ABCB4: variants seen among roughly 807,000 people sequenced by gnomAD.
ABCB4 encodes ATP binding cassette subfamily B member 4.
In ABCB4, 76 loss-of-function variants were observed where a neutral mutation model predicts 145.7. That is an observed-to-expected ratio of 0.52 (90% CI 0.43 to 0.63). ABCB4 has a LOEUF of 0.63. Among genes scored for constraint, ABCB4 ranks in the 30% least tolerant of loss-of-function variants. The pLI is 0.00. For synonymous variants in ABCB4, 517 were observed against 566.8 expected (o/e 0.91, Z 1.25); for missense variants, 1,234 against 1,553.1 (o/e 0.79, Z 3.45).
At chr7:87,388,053 C>T in the ABCB4 span, among the ~76,000 whole-genome samples, 2 of 152,024 alleles carry the variant, frequency 1.3e-5, no homozygotes, top group African/African-American at 4.8e-5. Flanking sequence ...GGGTGTGATA[C>T]CTTCCAGGTC....
At chr7:87,465,697 C>T (rs948429601) in intron 3 of ABCB4, among the ~76,000 whole-genome samples, 4 of 152,148 alleles carry the variant, frequency 2.6e-5, no homozygotes, top group Non-Finnish European at 5.9e-5. Context: ...CCCTCTGAGA[C>T]GAAACTTCCA....
chr7:87,372,510 C>G, the ABCB4 span, among the ~76,000 whole-genome samples: 1 of 152,306 alleles, frequency 6.6e-6, no homozygotes, highest in Admixed American at 6.5e-5. Context: ...GGGCTGCATT[C>G]AGCCTGTGAC....
At chr7:87,393,004 A>T in the ABCB4 span, 3 of 1,613,664 alleles carry the variant, frequency 1.9e-6, no homozygotes, top group Non-Finnish European at 2.5e-6. Flanking sequence ...TTACGAGTCC[A>T]GGGAGTGGTA....
the ABCB4 span, among the ~76,000 whole-genome samples, chr7:87,368,998 T>C: frequency 2.0e-5 from 3 of 152,216 alleles, no homozygotes; most frequent in Non-Finnish European, 4.4e-5. Context: ...TAATTAACAT[T>C]AAAATAATCC....
chr7:87,375,810 C>A, the ABCB4 span: 31 of 1,612,846 alleles, frequency 1.9e-5, 1 homozygote, highest in Admixed American at 5.2e-4. Flanking sequence ...ATTTGATCAT[C>A]ATCTCCTTGC....
Position 87,403,147 on chromosome 7 carries a change from A to G in ABCB4, c.3621T>C (p.Thr1207=), listed in dbSNP as rs1477448807. ...AGGCCACACACACCTTTTCACTTTCAGTATCCAGAGCTGATGTAGCTTCAT... is the reference window on the plus strand; with the variant it reads ...AGGCCACACACACCTTTTCACTTTCGGTATCCAGAGCTGATGTAGCTTCAT... ...LLDEATSALD[T]ESEKVVQEAL... The change falls in exon 27 of 28, where the codon ACT becomes ACC. Residue 1207 remains threonine (T), a synonymous_variant. Transcript: ENST00000649586. 6.2e-7 allele frequency: 1 copy of G among 1,614,034 alleles called. No individual in the cohort carries two copies.
chr7:87,475,193 C>A (rs989084515), intron 2 of ABCB4, among the ~76,000 whole-genome samples, 193 bp downstream of exon 2: 10 of 152,220 alleles, frequency 6.6e-5, no homozygotes, highest in African/African-American at 2.4e-4. Flanking sequence ...CCAAAAGGAG[C>A]CTCAGTGACA....
Position 87,406,459 on chromosome 7 carries a change from G to A in ABCB4, c.3315C>T (p.Val1105=), listed in dbSNP as rs746507472. 6.2e-7 allele frequency: 1 copy of A among 1,613,858 alleles called. No homozygotes were observed. Among genetic ancestry groups the A allele is most frequent in the East Asian group, 2.2e-5 (1 of 44,862 alleles). Residue 1105 remains valine (V), a synonymous_variant, in exon 26 of 28, where the codon GTC becomes GTT. Coordinates refer to ENST00000649586, the MANE Select transcript of ABCB4 (RefSeq NM_000443.4). ...TTCCGAGTTGAGCTCTGAGCCACTG[G>A]ACATTGAGTTTCTTTGCTTCTTGAC... ...LDGQEAKKLN[V]QWLRAQLGIV... is the part of the protein sequence containing the mutation.
intron 18 of ABCB4, among the ~76,000 whole-genome samples, chr7:87,421,643 T>A (rs894028362): frequency 3.3e-5 from 5 of 152,222 alleles, no homozygotes; most frequent in Non-Finnish European, 5.9e-5. Context: ...TACAGAGAAG[T>A]CTAACTGGGT....
chr7:87,370,383 G>A, the ABCB4 span, among the ~76,000 whole-genome samples: 8 of 152,162 alleles, frequency 5.3e-5, no homozygotes, highest in East Asian at 1.9e-4. Flanking sequence ...AGGTTTTGCC[G>A]TGTTGGCCAA....
the ABCB4 span, among the ~76,000 whole-genome samples, chr7:87,365,935 C>A: frequency 3.9e-5 from 6 of 152,102 alleles, no homozygotes; most frequent in African/African-American, 1.4e-4. Flanking sequence ...TTACCTACCC[C>A]CTAGGAGACC....
chr7:87,469,681 AAGG>A (rs1486341966), intron 3 of ABCB4, among the ~76,000 whole-genome samples: 40 of 152,216 alleles, frequency 2.6e-4, no homozygotes, highest in Non-Finnish European at 1.3e-4. Context: ...GGACCTCTTC[AAGG>A]AGAACTACAA....
At chr7:87,449,863 G>A (rs2116779231) in intron 8 of ABCB4, 105 bp downstream of exon 8, 1 of 1,556,934 alleles carries the variant, frequency 6.4e-7, no homozygotes, top group African/African-American at 1.4e-5. Context: ...TATGCGAGAA[G>A]GGTTAATATT....
chr7:87,381,315 T>A, the ABCB4 span, among the ~76,000 whole-genome samples: 1 of 152,190 alleles, frequency 6.6e-6, no homozygotes, highest in African/African-American at 2.4e-5. Context: ...AACTGCAATT[T>A]CTTTCTCTAA....
At position 87,431,556 on chromosome 7, in the gene ABCB4, C is replaced by A; in HGVS notation, c.1741G>T (p.Gly581Cys). 6.2e-7 allele frequency: 1 copy of A among 1,614,038 alleles called. No individual in the cohort carries two copies. The highest frequency in any genetic ancestry group is 8.5e-7 in the Non-Finnish European group (1 of 1,179,934). Residue 581 changes from glycine to cysteine, a missense_variant, in exon 15 of 28, where the codon GGC becomes TGC. Around this residue, in one of 7 missense-constraint regions of ABCB4, gnomAD observed 467 missense variants for 632.8 expected, o/e 0.74. Transcript: ENST00000649586. ...TGTGCTATCACAATGGTGGTCCGGC[C>A]TTCTCTGGCCTAAAAGAACAAAAAT... ...VQAALDKARE[G>C]RTTIVIAHRL...
At chr7:87,444,779 A>C in intron 10 of ABCB4, 83 bp downstream of exon 10, 1 of 998,078 alleles carries the variant, frequency 1.0e-6, no homozygotes, top group Non-Finnish European at 1.5e-6. Context: ...AATGTAGTTG[A>C]TTCAAAAATA....
At chr7:87,374,758 AG>A in the ABCB4 span, among the ~76,000 whole-genome samples, 1 of 152,054 alleles carries the variant, frequency 6.6e-6, no homozygotes, top group Non-Finnish European at 1.5e-5. Context: ...AACAGAGGAG[AG>A]TATGCAAATC....
At position 87,403,126 on chromosome 7, in the gene ABCB4, C is replaced by T. The variant is rs1554396917; in HGVS notation, c.3633+9G>A. 3 of 1,613,810 alleles carry T rather than the reference C, an allele frequency of 1.9e-6. No homozygotes were observed. Among genetic ancestry groups the T allele is most frequent in the Non-Finnish European group, 2.5e-6 (3 of 1,179,896 alleles). On this transcript the variant is annotated intron_variant, in intron 27 of 27. Coordinates refer to ENST00000649586, the MANE Select transcript of ABCB4 (RefSeq NM_000443.4). ...TTAAATAAGACATAAGTTGGGAGGCCACACACACCTTTTCACTTTCAGTAT... is the reference window on the plus strand; with the variant it reads ...TTAAATAAGACATAAGTTGGGAGGCTACACACACCTTTTCACTTTCAGTAT...
chr7:87,417,419 A>T lies in ABCB4; in HGVS notation c.2575T>A (p.Leu859Met). Residue 859 changes from leucine to methionine, a missense_variant, in exon 21 of 28, where the codon TTG (leucine) becomes ATG (methionine). Leu to Met is a conservative substitution (Grantham distance 15). Around this residue, in one of 7 missense-constraint regions of ABCB4, gnomAD observed 321 missense variants for 332.6 expected, o/e 0.97. Coordinates refer to ENST00000649586, the MANE Select transcript of ABCB4 (RefSeq NM_000443.4). ...SFIYGWQLTL[L>M]LLAVVPIIAV... ...ATAATTGGAACAACTGCTAATAGCA[A>T]TAGGGTTAACTGCCAACCGTAGATA... The T allele has an allele frequency of 1.2e-6, 2 of 1,614,166 alleles. No individual in the cohort carries two copies. Among genetic ancestry groups the T allele is most frequent in the African/African-American group, 2.7e-5 (2 of 75,062 alleles).
Sources: allele counts gnomAD v4.1 joint callset (sites outside exome capture counted in the v4.1 genomes callset), GRCh38; gene constraint gnomAD v4.1.1; regional missense constraint gnomAD v4.1.1; transcripts MANE v1.5; gene names NCBI Gene and HGNC (gene_info 2026-07-23, HGNC 2026-07-21).